TRIM2: variants seen among roughly 807,000 people sequenced by gnomAD.
TRIM2 encodes the protein tripartite motif containing 2, also known as tripartite motif-containing protein 2.
In TRIM2, 20 loss-of-function variants were observed where a neutral mutation model predicts 75.2. The ratio of observed to expected loss-of-function variants is 0.27; its 90% CI spans 0.19 to 0.39. The LOEUF (loss-of-function observed/expected upper bound fraction) is 0.39, where lower values mean the gene tolerates loss of function less well. TRIM2 is among the 10% of genes least tolerant of loss of function. The pLI is 1.00. For synonymous variants in TRIM2, 373 were observed against 388.3 expected, an observed-to-expected ratio of 0.96 and a Z score of 0.46; for missense variants, 660 against 990.8, an observed-to-expected ratio of 0.67 and a Z score of 4.48.
intron 10 of TRIM2, among the ~76,000 whole-genome samples, chr4:153,326,786 G>A (rs1250812108): frequency 1.3e-5 from 2 of 152,124 alleles, no homozygotes; most frequent in East Asian, 1.9e-4. Flanking sequence ...TTCGAGACCC[G>A]CCTAGCCAAC....
rs571295519 is a variant in TRIM2, at chr4:153,184,961, G to A, written c.-49+31691G>A. ...GACTCTGTCTCAAAACAACAACAAC[G>A]TTTTCCCTGTGGGGAATGCCATTTC... On this transcript the variant is annotated intron_variant, in intron 1 of 11. Coordinates refer to the TRIM2 transcript ENST00000437508. 3.9e-5 allele frequency among the ~76,000 whole-genome samples: 6 copies of A among 152,152 alleles called. No homozygotes were observed. The South Asian group carries it at 6.2e-4, about 16-fold the overall frequency.
intron 1 of TRIM2, among the ~76,000 whole-genome samples, chr4:153,155,084 G>A (rs1223048971): frequency 2.0e-5 from 3 of 150,484 alleles, no homozygotes; most frequent in African/African-American, 7.3e-5. Context: ...AGGTTGCAGT[G>A]AGCCGAGATC....
In TRIM2 at chr4:153,234,991, C is replaced by T. The variant is rs983862659; in HGVS notation, c.30+30431C>T. 3.9e-5 allele frequency among the ~76,000 whole-genome samples: 6 copies of T among 152,314 alleles called. No individual in the cohort carries two copies. In the East Asian group the frequency reaches 9.6e-4, roughly 24 times the overall value. On this transcript the variant is annotated intron_variant, in intron 1 of 11. Transcript: ENST00000338700. ...CCCCTCTGCTGCCCCCAGCTGTGTA[C>T]TTCATATGTGGTGCTTCCAAACTGC...
intron 1 of TRIM2, among the ~76,000 whole-genome samples, chr4:153,247,505 G>A (rs187268478): frequency 1.1e-4 from 17 of 152,012 alleles, no homozygotes; most frequent in Middle Eastern, 3.4e-3. Flanking sequence ...CCAAAACCCC[G>A]TCTCTACTAA....
intron 1 of TRIM2, among the ~76,000 whole-genome samples, chr4:153,217,147 G>A (rs969466242): frequency 1.2e-4 from 18 of 151,788 alleles, no homozygotes; most frequent in Non-Finnish European, 2.4e-4. Context: ...TTTTTAATTT[G>A]TAAAATGTTT....
intron 6 of TRIM2, among the ~76,000 whole-genome samples, chr4:153,296,941 T>C (rs1762890886): frequency 6.6e-6 from 1 of 152,198 alleles, no homozygotes; most frequent in Admixed American, 6.5e-5. Context: ...ATTCTATGGT[T>C]CAGATAAATT....
chr4:153,278,754 C>T (rs574452478), intron 3 of TRIM2, among the ~76,000 whole-genome samples: 5 of 150,710 alleles, frequency 3.3e-5, no homozygotes, highest in Non-Finnish European at 4.4e-5. Flanking sequence ...GCCATGATTG[C>T]GCCTCTGCGC....
At chr4:153,244,437 T>TCTTCTTCTTCCTCTTCTTCTTCTTC (rs1206105496) in intron 1 of TRIM2, among the ~76,000 whole-genome samples, 2 of 102,522 alleles carry the variant, frequency 2.0e-5, no homozygotes, top group Non-Finnish European at 1.8e-5. Context: ...TTCTTCTTCT[T>TCTTCTTCTTCCTCTTCTTCTTCTTC]TTAATTAGAG....
chr4:153,304,063 G>C (rs1764484820), intron 6 of TRIM2, among the ~76,000 whole-genome samples: 1 of 152,050 alleles, frequency 6.6e-6, no homozygotes. Flanking sequence ...GGAGAAGGCT[G>C]GCATGTGGAA....
At chr4:153,200,090 G>A (rs888598376), upstream of TRIM2, among the ~76,000 whole-genome samples, 49 of 151,768 alleles carry the variant, frequency 3.2e-4, no homozygotes, top group African/African-American at 1.2e-3. Context: ...TACAGGCACC[G>A]CCACCACGCC....
intron 1 of TRIM2, among the ~76,000 whole-genome samples, chr4:153,193,796 G>A (rs969165423): frequency 3.3e-5 from 5 of 152,172 alleles, no homozygotes; most frequent in East Asian, 1.9e-4. Context: ...GGCGAGCCAC[G>A]GAGAGCTTTC....
chr4:153,152,259 GGAAACCACCCCCCGCA>G (rs1477500118), upstream of TRIM2: 9 of 152,100 alleles, frequency 5.9e-5, no homozygotes, highest in Non-Finnish European at 1.3e-4. Context: ...GAGTTTCCCG[GGAAACCACCCCCCGCA>G]GAGGCAGGTG....
chr4:153,336,594 G>A lies in TRIM2; in HGVS notation c.*1628G>A. 2.0e-6 allele frequency: 2 copies of A among 985,594 alleles called. No homozygotes were observed. The highest frequency in any genetic ancestry group is 2.4e-6 in the Non-Finnish European group (2 of 829,890). 61.1% of individuals were successfully genotyped at this position (985,594 alleles called of 1,614,324 possible). A position where few individuals can be genotyped will look rare whatever the true frequency, so the allele number is the denominator to read the frequency against. On this transcript the variant is annotated 3_prime_UTR_variant, in exon 12 of 12. Coordinates refer to ENST00000338700, the MANE Select transcript of TRIM2 (RefSeq NM_015271.5). ...TTTGACATTTTTGATAGTGACTTTG[G>A]GGTCTTCTTCACTGAAAGCACCTTA...
intron 1 of TRIM2, among the ~76,000 whole-genome samples, chr4:153,187,085 C>T (rs1732673830): frequency 6.6e-6 from 1 of 152,126 alleles, no homozygotes; most frequent in Admixed American, 6.5e-5. Flanking sequence ...GGATCTATCA[C>T]CAGGTCGTAC....
intron 3 of TRIM2, among the ~76,000 whole-genome samples, chr4:153,279,391 A>G (rs757797147): frequency 2.0e-5 from 3 of 152,236 alleles, no homozygotes; most frequent in Non-Finnish European, 2.9e-5. Context: ...CCTACAATGC[A>G]CTAAAATTAC....
At chr4:153,195,811 C>CT (rs536179929) in intron 1 of TRIM2, among the ~76,000 whole-genome samples, 16 of 152,060 alleles carry the variant, frequency 1.1e-4, no homozygotes, top group African/African-American at 2.2e-4. Flanking sequence ...TCATTAACTT[C>CT]TTTTTTTTAT....
chr4:153,183,820 A>C (rs1300041441), intron 1 of TRIM2, among the ~76,000 whole-genome samples: 1 of 152,100 alleles, frequency 6.6e-6, no homozygotes, highest in Non-Finnish European at 1.5e-5. Flanking sequence ...AGAGATTAGG[A>C]TCCCTTGTAG....
chr4:153,223,493 G>T (rs368671512), intron 1 of TRIM2, among the ~76,000 whole-genome samples: 1 of 152,154 alleles, frequency 6.6e-6, no homozygotes, highest in African/African-American at 2.4e-5. Context: ...GCCCCAGCTC[G>T]TACTACAGTT....
At chr4:153,259,920 T>C (rs933824183) in intron 1 of TRIM2, among the ~76,000 whole-genome samples, 1 of 152,210 alleles carries the variant, frequency 6.6e-6, no homozygotes, top group African/African-American at 2.4e-5. Context: ...AATGTTTCTA[T>C]TCCCTTCTAC....
Sources: gnomAD v4.1 joint callset for allele counts (sites outside exome capture counted in the v4.1 genomes callset) on GRCh38, gnomAD v4.1.1 for gene constraint, MANE v1.5 for transcripts, NCBI Gene and HGNC (gene_info 2026-07-23, HGNC 2026-07-21) for gene names.